The following MLPH variants were observed in gnomAD, a reference collection of about 807,000 sequenced individuals.
MLPH encodes melanophilin, also known as exophilin-3.
MLPH carries 51 observed loss-of-function variants against 72.1 expected under a neutral mutation model. The observed-to-expected ratio is 0.71, with a 90% confidence interval of 0.56 to 0.89. MLPH has a LOEUF of 0.89. Ranked by LOEUF, MLPH falls within the 40% of genes least tolerant of loss-of-function variation. MLPH has a pLI of 0.00. For synonymous variants in MLPH, 301 were observed against 310.1 expected (o/e 0.97, Z 0.31); for missense variants, 743 against 759.9 (o/e 0.98, Z 0.26).
chr2:237,553,104 A>G (rs1181843449), intron 15 of MLPH: 1 of 472,300 alleles, frequency 2.1e-6, no homozygotes, highest in Non-Finnish European at 4.4e-6. Context: ...CAGATGAAGG[A>G]GTGGCCCCAA....
chr2:237,534,717 C>A, intron 9 of MLPH, 70 bp downstream of exon 9: 1 of 1,248,820 alleles, frequency 8.0e-7, no homozygotes. Context: ...TGAAGTGTGA[C>A]ATGGGCTTTT....
chr2:237,539,619 C>A (rs2080622836), intron 9 of MLPH, among the ~76,000 whole-genome samples: 1 of 152,238 alleles, frequency 6.6e-6, no homozygotes, highest in African/African-American at 2.4e-5. Flanking sequence ...CTGCCCTTAA[C>A]CCTCCTGCCT....
At chr2:237,550,022 C>T (rs979406364) in intron 14 of MLPH, among the ~76,000 whole-genome samples, 1 of 152,218 alleles carries the variant, frequency 6.6e-6, no homozygotes, top group African/African-American at 2.4e-5. Flanking sequence ...GGCCATTTGT[C>T]ACACACTGGA....
chr2:237,494,120 A>G (rs2079485486), intron 2 of MLPH, among the ~76,000 whole-genome samples: 1 of 152,048 alleles, frequency 6.6e-6, no homozygotes, highest in African/African-American at 2.4e-5. Flanking sequence ...GGGTCACCCT[A>G]TGGGAAGGAA....
At chr2:237,491,526 G>T (rs2106449989) in intron 1 of MLPH, among the ~76,000 whole-genome samples, 1 of 152,366 alleles carries the variant, frequency 6.6e-6, no homozygotes, top group Admixed American at 6.5e-5. Flanking sequence ...GGAACGGACA[G>T]AGGTGCTATT....
At position 237,540,514 on chromosome 2, in the gene MLPH, T is replaced by TC. The variant is rs1467375760; in HGVS notation, c.1276dup (p.Gln426ProfsTer35). 9 of 1,611,502 alleles carry TC rather than the reference T, an allele frequency of 5.6e-6. No homozygotes were observed. The highest frequency in any genetic ancestry group is 7.6e-6 in the Non-Finnish European group (9 of 1,179,824). On this transcript the variant is annotated frameshift_variant, in exon 10 of 16. Transcript: ENST00000264605. LOFTEE classifies it high-confidence loss of function. ...AACAGGGACAAATCAGTTGGGCCTCTCCCCCAGGCGGACCCGGAGGTAAGA... is the reference window on the plus strand; with the variant it reads ...AACAGGGACAAATCAGTTGGGCCTCTCCCCCCAGGCGGACCCGGAGGTAAGA...
intron 4 of MLPH, chr2:237,518,210 G>A: frequency 2.4e-6 from 1 of 422,134 alleles, no homozygotes; most frequent in East Asian, 5.0e-5. Context: ...ATGAATAGAT[G>A]GGTGGAGGAT....
At chr2:237,522,913 T>A (rs1325267457) in intron 6 of MLPH, among the ~76,000 whole-genome samples, 1 of 152,234 alleles carries the variant, frequency 6.6e-6, no homozygotes, top group Non-Finnish European at 1.5e-5. Flanking sequence ...TGTATTAGCA[T>A]CTGCTCGGCT....
In MLPH at chr2:237,531,680, T is replaced by C. The variant is rs147320066; in HGVS notation, c.1021-2884T>C. Reference sequence around the variant, plus strand: ...TAACTTGTATTTACTTTGCCAACCCTAAATAATGAGATTCAGAAAATATAA... The same window carrying C: ...TAACTTGTATTTACTTTGCCAACCCCAAATAATGAGATTCAGAAAATATAA... On this transcript the variant is annotated intron_variant, in intron 8 of 15. Coordinates refer to ENST00000264605, the MANE Select transcript of MLPH (RefSeq NM_024101.7). Among the ~76,000 whole-genome samples, 858 of 152,336 alleles carry C rather than the reference T, an allele frequency of 5.6e-3. 12 individuals carry two copies. The highest frequency in any genetic ancestry group is 0.02 in the African/African-American group (828 of 41,562).
intron 2 of MLPH, among the ~76,000 whole-genome samples, chr2:237,495,662 G>A (rs1218429164): frequency 1.3e-5 from 2 of 152,280 alleles, no homozygotes; most frequent in South Asian, 2.1e-4. Context: ...CCTCCCCACC[G>A]TGTGATCCCC....
At position 237,519,537 on chromosome 2, in the gene MLPH, T is replaced by C. The variant is rs1574863547; in HGVS notation, c.556-373T>C. On this transcript the variant is annotated intron_variant, in intron 5 of 15. Transcript: ENST00000264605. ...CCACCTCTGTCTCACTCAGCCATCGTGCCCCGGCTATCCGAAGCCCCAGGG... is the reference window on the plus strand; with the variant it reads ...CCACCTCTGTCTCACTCAGCCATCGCGCCCCGGCTATCCGAAGCCCCAGGG... Among the ~76,000 whole-genome samples, 11 of 152,334 alleles carry C rather than the reference T, an allele frequency of 7.2e-5. No homozygotes were observed. In the South Asian group the frequency reaches 2.3e-3, roughly 32 times the overall value.
At chr2:237,542,543 C>T (rs1311353609) in intron 11 of MLPH, 24 bp from the exon 12 acceptor site, 4 of 1,568,728 alleles carry the variant, frequency 2.5e-6, no homozygotes, top group Non-Finnish European at 3.5e-6. Context: ...TCTGACGGGC[C>T]TTCTGTCTGC....
intron 2 of MLPH, 81 bp downstream of exon 2, chr2:237,493,617 G>A: frequency 2.0e-6 from 2 of 1,022,236 alleles, no homozygotes; most frequent in South Asian, 1.3e-5. Flanking sequence ...TGTCTGGGTG[G>A]GTCAACAGCC....
intron 15 of MLPH, 41 bp from the exon 16 acceptor site, chr2:237,553,523 GTA>G (rs763915726): frequency 2.0e-5 from 32 of 1,592,880 alleles, no homozygotes; most frequent in Non-Finnish European, 2.6e-5. Context: ...ACATGCCTGT[GTA>G]TGTGTGTGCT....
chr2:237,526,116 C>T (rs115174150), intron 7 of MLPH, among the ~76,000 whole-genome samples: 299 of 152,318 alleles, frequency 2.0e-3, no homozygotes, highest in African/African-American at 6.9e-3. Context: ...ACTGGTCAAC[C>T]GGCCAACCAT....
At chr2:237,546,453 G>A (rs2080919911) in intron 12 of MLPH, 153 bp from the exon 13 acceptor site, 1 of 711,312 alleles carries the variant, frequency 1.4e-6, no homozygotes, top group South Asian at 1.5e-5. Flanking sequence ...CCAGAGTCCT[G>A]GAGCGGCATA....
chr2:237,538,147 A>C (rs2080578937), intron 9 of MLPH, among the ~76,000 whole-genome samples: 1 of 152,240 alleles, frequency 6.6e-6, no homozygotes, highest in South Asian at 2.1e-4. Context: ...CAAAGTCGAC[A>C]AAAACGCGGG....
chr2:237,500,473 G>A (rs74001371), intron 2 of MLPH, among the ~76,000 whole-genome samples: 6,451 of 152,208 alleles, frequency 0.042, 361 homozygotes, highest in African/African-American at 0.13. Context: ...TAATTTAAAC[G>A]TAAATAGCTG....
At chr2:237,490,033 C>G (rs937077306) in intron 1 of MLPH, among the ~76,000 whole-genome samples, 20 of 152,304 alleles carry the variant, frequency 1.3e-4, no homozygotes, top group Middle Eastern at 3.4e-3. Context: ...CGAATCTGAG[C>G]AGTGGAACAG....
Sources: allele counts gnomAD v4.1 joint callset (sites outside exome capture counted in the v4.1 genomes callset), GRCh38; gene constraint gnomAD v4.1.1; transcripts MANE v1.5; gene names NCBI Gene and HGNC (gene_info 2026-07-23, HGNC 2026-07-21).